Variants in NTN1 observed in about 807,000 individuals in gnomAD.
The protein encoded by NTN1 is netrin 1.
Under a neutral mutation model 54.2 loss-of-function variants are expected in NTN1, and 11 were observed. The ratio of observed to expected loss-of-function variants is 0.20; its 90% CI spans 0.13 to 0.34. The LOEUF is 0.34. NTN1 is among the 10% of genes least tolerant of loss of function. The pLI, the probability that NTN1 is intolerant of heterozygous loss-of-function variation, is 1.00. For synonymous variants in NTN1, 371 were observed against 382.0 expected (o/e 0.97, Z 0.33); for missense variants, 740 against 893.1 (o/e 0.83, Z 2.18).
intron 2 of NTN1, among the ~76,000 whole-genome samples, chr17:9,114,166 AAT>A (rs34188198): frequency 0.012 from 861 of 74,638 alleles, 24 homozygotes; most frequent in Non-Finnish European, 0.012. Flanking sequence ...AAAAAAAAAA[AAT>A]ATATATATAT....
intron 2 of NTN1, among the ~76,000 whole-genome samples, chr17:9,113,443 G>C (rs1291771530): frequency 1.3e-5 from 2 of 152,154 alleles, no homozygotes; most frequent in Non-Finnish European, 2.9e-5. Context: ...TGGGAGCAAT[G>C]GTTCATTATT....
intron 2 of NTN1, among the ~76,000 whole-genome samples, chr17:9,118,440 C>T (rs1425334031): frequency 2.0e-5 from 3 of 152,118 alleles, no homozygotes; most frequent in African/African-American, 7.2e-5. Context: ...ATCACTTGAA[C>T]CCAGGAGTTT....
intron 6 of NTN1, among the ~76,000 whole-genome samples, chr17:9,234,645 A>T (rs1460269885): frequency 6.6e-6 from 1 of 152,214 alleles, no homozygotes; most frequent in Non-Finnish European, 1.5e-5. Context: ...CCCTGAGCAG[A>T]GCCCCCTGGG....
intron 2 of NTN1, among the ~76,000 whole-genome samples, chr17:9,033,666 C>G (rs1214309542): frequency 6.6e-6 from 1 of 152,064 alleles, no homozygotes; most frequent in Admixed American, 6.5e-5. Context: ...GCCTGTAATC[C>G]CAGCACTTCG....
At chr17:9,025,146 A>C (rs1296541781) in intron 2 of NTN1, among the ~76,000 whole-genome samples, 1 of 152,218 alleles carries the variant, frequency 6.6e-6, no homozygotes, top group East Asian at 1.9e-4. Context: ...AATAAACTTG[A>C]TGTGGTGGTG....
At chr17:9,104,767 A>G (rs530773719) in intron 2 of NTN1, among the ~76,000 whole-genome samples, 2 of 152,292 alleles carry the variant, frequency 1.3e-5, no homozygotes, top group Admixed American at 1.3e-4. Flanking sequence ...TCCTGGAGAC[A>G]GGGAGACTTT....
At chr17:9,014,550 C>T in the NTN1 span, among the ~76,000 whole-genome samples, 5 of 152,158 alleles carry the variant, frequency 3.3e-5, no homozygotes, top group African/African-American at 1.2e-4. Flanking sequence ...CAGAGTCACA[C>T]CATTAGGAAG....
chr17:9,153,521 C>A (rs2092333615), intron 2 of NTN1, among the ~76,000 whole-genome samples: 2 of 152,152 alleles, frequency 1.3e-5, no homozygotes, highest in Admixed American at 1.3e-4. Flanking sequence ...AATCTGTGCA[C>A]CCAAGCTGGA....
intron 2 of NTN1, among the ~76,000 whole-genome samples, chr17:9,093,203 A>G (rs2092119054): frequency 6.6e-6 from 1 of 152,158 alleles, no homozygotes; most frequent in South Asian, 2.1e-4. Context: ...GATAAACCGC[A>G]TTTTCTGTAT....
At chr17:9,173,367 G>C (rs1371242109) in intron 3 of NTN1, 2 of 152,272 alleles carry the variant, frequency 1.3e-5, no homozygotes, top group Admixed American at 1.3e-4. Context: ...TCTAGTGAGG[G>C]TCCCACCAGG....
At chr17:9,143,037 G>A (rs1238554882) in intron 2 of NTN1, among the ~76,000 whole-genome samples, 1 of 152,200 alleles carries the variant, frequency 6.6e-6, no homozygotes, top group Non-Finnish European at 1.5e-5. Flanking sequence ...GGCCTCGCTG[G>A]GAAGTGACAA....
intron 2 of NTN1, among the ~76,000 whole-genome samples, chr17:9,061,071 G>T (rs1338528838): frequency 6.6e-6 from 1 of 151,932 alleles, no homozygotes; most frequent in East Asian, 1.9e-4. Context: ...AGTGACCTTG[G>T]TTGAATCACC....
chr17:9,165,336 A>G lies in NTN1; in HGVS notation c.1207+2335A>G, dbSNP rs992275898. On this transcript the variant is annotated intron_variant, in intron 3 of 6. Coordinates refer to ENST00000173229, the MANE Select transcript of NTN1 (RefSeq NM_004822.3). This position sits in a 1 kb window ranked among gnomAD's most constrained non-coding sequence, Gnocchi z 4.5. The stretch of plus-strand genomic sequence containing the variant: ...AGAGTGAGAGACGTCAGGAAGCCAC[A>G]GGGTCCCGGGAACCCGCAGGCCATT... Among the ~76,000 whole-genome samples, 3 of 152,244 alleles carry G rather than the reference A, an allele frequency of 2.0e-5. No individual in the cohort carries two copies. Among genetic ancestry groups the G allele is most frequent in the African/African-American group, 7.2e-5 (3 of 41,476 alleles).
intron 5 of NTN1, among the ~76,000 whole-genome samples, chr17:9,193,225 T>C (rs1904516767): frequency 6.6e-6 from 1 of 152,214 alleles, no homozygotes. Context: ...AAGTGAAATG[T>C]ACCCCAAATT....
At chr17:9,117,409 A>G (rs561222134) in intron 2 of NTN1, among the ~76,000 whole-genome samples, 45 of 152,292 alleles carry the variant, frequency 3.0e-4, no homozygotes, top group Admixed American at 1.6e-3. Context: ...GGTGGTTCAC[A>G]GTGTCACTGG....
chr17:9,195,460 GGA>G (rs982256832), intron 5 of NTN1, among the ~76,000 whole-genome samples: 4 of 152,182 alleles, frequency 2.6e-5, no homozygotes, highest in Admixed American at 6.5e-5. Flanking sequence ...CAGGTGTCAG[GGA>G]GAGAGAGGAT....
intron 2 of NTN1, among the ~76,000 whole-genome samples, chr17:9,110,563 G>A (rs941260254): frequency 1.3e-5 from 2 of 151,678 alleles, no homozygotes; most frequent in African/African-American, 2.4e-5. Flanking sequence ...CTGAGCCACC[G>A]CACCCAGCCC....
the NTN1 span, among the ~76,000 whole-genome samples, chr17:9,003,092 C>G: frequency 9.2e-5 from 14 of 152,182 alleles, no homozygotes; most frequent in Non-Finnish European, 2.1e-4. The surrounding 1 kb of genome is among the most constrained non-coding windows in gnomAD (Gnocchi z 7.4). Flanking sequence ...CCCGCGCACT[C>G]GAACGGGAGC....
intron 2 of NTN1, among the ~76,000 whole-genome samples, chr17:9,109,867 T>C (rs8070235): frequency 0.014 from 2,063 of 152,364 alleles, 45 homozygotes; most frequent in African/African-American, 0.046. Flanking sequence ...CTGATTATTG[T>C]GAGGTTAAGC....
Sources: gnomAD v4.1 joint callset for allele counts (sites outside exome capture counted in the v4.1 genomes callset) on GRCh38, gnomAD v4.1.1 for gene constraint, Gnocchi (gnomAD v3.1) non-coding constraint, MANE v1.5 for transcripts, NCBI Gene and HGNC (gene_info 2026-07-23, HGNC 2026-07-21) for gene names.